The following RPS6KA6 variants were observed in gnomAD, a reference collection of about 807,000 sequenced individuals.
RPS6KA6 encodes ribosomal protein S6 kinase A6, also known as ribosomal protein S6 kinase alpha-6.
RPS6KA6 carries 27 observed loss-of-function variants against 65.4 expected under a neutral mutation model. That is an observed-to-expected ratio of 0.41 (90% CI 0.30 to 0.57). The LOEUF (loss-of-function observed/expected upper bound fraction) is 0.57, where lower values mean the gene tolerates loss of function less well. Among genes scored for constraint, RPS6KA6 ranks in the 20% least tolerant of loss-of-function variants. RPS6KA6 has a pLI of 0.24. For missense variants in RPS6KA6, 486 were observed against 555.6 expected (o/e 0.87, Z 1.26); for synonymous variants, 190 against 184.2 (o/e 1.03, Z -0.26).
At chrX:84,151,196 G>T (rs769541091) in intron 3 of RPS6KA6, among the ~76,000 whole-genome samples, 4 of 97,966 alleles carry the variant, frequency 4.1e-5, no homozygotes, top group African/African-American at 7.5e-5. Context: ...AGGATATATA[G>T]AGATATAGAT....
chrX:84,121,763 C>T (rs1255602263), intron 8 of RPS6KA6, among the ~76,000 whole-genome samples: 2 of 111,701 alleles, frequency 1.8e-5, no homozygotes, highest in East Asian at 2.8e-4. Flanking sequence ...CAAAATGGAT[C>T]GTAAACCATG....
At chrX:84,155,958 GT>G (rs752215965) in intron 3 of RPS6KA6, 116 bp downstream of exon 3, 19 of 445,051 alleles carry the variant, frequency 4.3e-5, no homozygotes, top group Non-Finnish European at 6.5e-5. Flanking sequence ...AATTACCTTT[GT>G]GAGCATCCGT....
At chrX:84,082,311 AAGAG>A (rs2033816914) in intron 20 of RPS6KA6, among the ~76,000 whole-genome samples, 1 of 111,333 alleles carries the variant, frequency 9.0e-6, no homozygotes, top group South Asian at 3.8e-4. Context: ...AACAGACAAA[AAGAG>A]AGACAAATAA....
chrX:84,096,537 T>C (rs2034161287), intron 19 of RPS6KA6, among the ~76,000 whole-genome samples: 1 of 111,548 alleles, frequency 9.0e-6, no homozygotes, highest in Admixed American at 9.6e-5. Context: ...ATTTCTTTTG[T>C]CTCTGATTAG....
At chrX:84,101,615 G>A (rs1013540154) in intron 18 of RPS6KA6, among the ~76,000 whole-genome samples, 3 of 110,591 alleles carry the variant, frequency 2.7e-5, no homozygotes, top group Non-Finnish European at 5.7e-5. Flanking sequence ...ATTACCTAAT[G>A]TTCAGTACAA....
chrX:84,081,978 T>A (rs190988783), intron 20 of RPS6KA6, among the ~76,000 whole-genome samples: 55 of 112,022 alleles, frequency 4.9e-4, no homozygotes, highest in African/African-American at 1.7e-3. Context: ...GAGGAACCCA[T>A]AGCCAATATC....
chrX:84,086,428 A>C (rs1437839209), intron 20 of RPS6KA6, among the ~76,000 whole-genome samples: 1 of 111,988 alleles, frequency 8.9e-6, no homozygotes, highest in Non-Finnish European at 1.9e-5. Context: ...GGAGTCATTC[A>C]GGAGTAGTTT....
chrX:84,135,846 C>T (rs1254880550), intron 6 of RPS6KA6, among the ~76,000 whole-genome samples: 3 of 111,062 alleles, frequency 2.7e-5, no homozygotes, highest in Non-Finnish European at 5.7e-5. Flanking sequence ...CTGTATTAAT[C>T]ATTTTGTGTC....
At position 84,105,890 on chromosome X, in the gene RPS6KA6, A is replaced by G; in HGVS notation, c.1366-14T>C. ...TTTGTCAATGATCTAAGAAATACGA[A>G]AAAAGAAAAATATCTGAGGCAAACA... is the stretch of plus-strand genomic sequence containing the variant. On this transcript the variant is annotated splice_polypyrimidine_tract_variant and intron_variant, in intron 15 of 21. Transcript: ENST00000262752. The G allele has an allele frequency of 4.1e-6, 4 of 968,218 alleles. No individual in the cohort carries two copies. The highest frequency in any genetic ancestry group is 4.4e-6 in the Non-Finnish European group (3 of 689,609). 79.8% of individuals were successfully genotyped at this position (968,218 alleles called of 1,213,427 possible).
At position 84,132,136 on chromosome X, in the gene RPS6KA6, T is replaced by C. The variant is rs187731775; in HGVS notation, c.646+2646A>G. Among the ~76,000 whole-genome samples, 3 of 111,570 alleles carry C rather than the reference T, an allele frequency of 2.7e-5. No individual in the cohort carries two copies. In the East Asian group the frequency reaches 8.4e-4, roughly 31 times the overall value. ...TGAATTATGTCTCTCAGAAAACACA[T>C]TATAGGCTGGGCACAGTGGCTCACA... On this transcript the variant is annotated intron_variant, in intron 8 of 21. Coordinates refer to ENST00000262752, the MANE Select transcript of RPS6KA6 (RefSeq NM_014496.5).
At chrX:84,076,966 AC>A (rs2147347368) in intron 20 of RPS6KA6, among the ~76,000 whole-genome samples, 1 of 111,646 alleles carries the variant, frequency 9.0e-6, no homozygotes, top group Non-Finnish European at 1.9e-5. Context: ...ATTTCTGCAT[AC>A]TAGCAACAAA....
At chrX:84,072,845 C>T (rs2033577214) in intron 20 of RPS6KA6, among the ~76,000 whole-genome samples, 1 of 111,191 alleles carries the variant, frequency 9.0e-6, no homozygotes, top group African/African-American at 3.3e-5. Context: ...TGTGAATGAT[C>T]TCTACAATGA....
chrX:84,113,586 G>A (rs985670983), intron 12 of RPS6KA6, among the ~76,000 whole-genome samples: 7 of 111,552 alleles, frequency 6.3e-5, no homozygotes, highest in East Asian at 2.8e-4. Context: ...CAATAGATGC[G>A]GAAAAAGCAT....
intron 20 of RPS6KA6, among the ~76,000 whole-genome samples, chrX:84,077,513 A>G (rs2033687382): frequency 9.0e-6 from 1 of 111,723 alleles, no homozygotes; most frequent in African/African-American, 3.2e-5. Flanking sequence ...AAGAAAGGAT[A>G]TTATTTTCAA....
intron 20 of RPS6KA6, among the ~76,000 whole-genome samples, chrX:84,084,402 G>A (rs2033872832): frequency 8.9e-6 from 1 of 112,028 alleles, no homozygotes; most frequent in Admixed American, 9.5e-5. Context: ...GTGTATGGAA[G>A]GGGTCCAGTT....
chrX:84,100,680 G>A (rs1302195335), intron 18 of RPS6KA6, among the ~76,000 whole-genome samples: 1 of 110,557 alleles, frequency 9.0e-6, no homozygotes, highest in Admixed American at 9.7e-5. Context: ...TAAAACCACT[G>A]AAATGTCCTA....
chrX:84,130,755 G>A (rs1490257057), intron 8 of RPS6KA6, among the ~76,000 whole-genome samples: 1 of 111,344 alleles, frequency 9.0e-6, no homozygotes, highest in African/African-American at 3.3e-5. Flanking sequence ...AGTCTCAAAA[G>A]GCTGTATACT....
intron 1 of RPS6KA6, among the ~76,000 whole-genome samples, chrX:84,175,192 T>G (rs2147635029): frequency 9.0e-6 from 1 of 111,647 alleles, no homozygotes; most frequent in African/African-American, 3.2e-5. Context: ...ATTTCATATC[T>G]TGCATGGAAA....
At chrX:84,072,801 C>CA (rs894349814) in intron 20 of RPS6KA6, among the ~76,000 whole-genome samples, 49 of 110,239 alleles carry the variant, frequency 4.4e-4, no homozygotes, top group African/African-American at 1.6e-3. Context: ...TTAGGAGCTG[C>CA]AAAAAAATAG....
Sources: allele counts gnomAD v4.1 joint callset (sites outside exome capture counted in the v4.1 genomes callset), GRCh38; gene constraint gnomAD v4.1.1; transcripts MANE v1.5; gene names NCBI Gene and HGNC (gene_info 2026-07-23, HGNC 2026-07-21).